REEP5: variants seen among roughly 807,000 people sequenced by gnomAD.
The protein encoded by REEP5 is receptor expression-enhancing protein 5.
In REEP5, 24 loss-of-function variants were observed where a neutral mutation model predicts 22.4. The ratio of observed to expected loss-of-function variants is 1.07; its 90% CI spans 0.78 to 1.51. The LOEUF (loss-of-function observed/expected upper bound fraction) is 1.51. REEP5 is among the 40% of genes most tolerant of loss of function. REEP5 has a pLI of 0.00. For missense variants in REEP5, 252 were observed against 233.0 expected, an observed-to-expected ratio of 1.08 and a Z score of -0.53; for synonymous variants, 103 against 88.6, an observed-to-expected ratio of 1.16 and a Z score of -0.92.
At chr5:112,919,939 C>A (rs1202474963) in intron 2 of REEP5, among the ~76,000 whole-genome samples, 1 of 152,202 alleles carries the variant, frequency 6.6e-6, no homozygotes, top group Non-Finnish European at 1.5e-5. Flanking sequence ...GACAATTATA[C>A]AATCATATTG....
chr5:112,908,267 G>A (rs1263957919), intron 2 of REEP5, among the ~76,000 whole-genome samples: 1 of 151,366 alleles, frequency 6.6e-6, no homozygotes. Context: ...CGCCCCGCTA[G>A]TTTTTTTGTA....
chr5:112,921,757 C>G, intron 1 of REEP5: 1 of 253,318 alleles, frequency 3.9e-6, no homozygotes. Flanking sequence ...CCCCGCCGTC[C>G]GCGCCCACCG....
chr5:112,904,843 T>A (rs1580748735), intron 2 of REEP5, among the ~76,000 whole-genome samples: 1 of 152,320 alleles, frequency 6.6e-6, no homozygotes, highest in East Asian at 1.9e-4. Context: ...AATTCTTTTT[T>A]AATTCATATC....
At chr5:112,879,535 G>A (rs1224106965) in intron 4 of REEP5, among the ~76,000 whole-genome samples, 3 of 152,078 alleles carry the variant, frequency 2.0e-5, no homozygotes, top group East Asian at 1.9e-4. Context: ...GTGCAGTGGC[G>A]CGATCTCGGC....
intron 2 of REEP5, among the ~76,000 whole-genome samples, chr5:112,908,135 T>G (rs1436214444): frequency 6.7e-6 from 1 of 149,194 alleles, no homozygotes; most frequent in Non-Finnish European, 1.5e-5. Context: ...AGTCTTGCTC[T>G]TGTGGCCCAG....
intron 3 of REEP5, chr5:112,891,920 A>C: frequency 1.5e-6 from 2 of 1,299,718 alleles, no homozygotes. Context: ...TTCAGAATAA[A>C]GAAGGAAAAG....
chr5:112,897,350 ATCACACACACACACAC>A (rs1486227786), intron 3 of REEP5: 108 of 129,556 alleles, frequency 8.3e-4, no homozygotes, highest in Admixed American at 2.4e-3. Flanking sequence ...AACACATCCC[ATCACACACACACACAC>A]ACACACACAC....
rs1769177794 is a variant in REEP5, at chr5:112,914,023, T to C, written c.212+7140A>G. Among the ~76,000 whole-genome samples the C allele has an allele frequency of 4.0e-5, 6 of 151,454 alleles. No individual in the cohort carries two copies. In the South Asian group the frequency reaches 1.3e-3, roughly 32 times the overall value. The stretch of plus-strand genomic sequence containing the variant: ...ACAAAAAATTAGTACACACCTGTAG[T>C]CCCAGCTACTCCAGAAGCTGAAGTG... On this transcript the variant is annotated intron_variant, in intron 2 of 4. Transcript: ENST00000379638.
Position 112,878,428 on chromosome 5 carries a change from G to T in REEP5, c.*358C>A. The T allele has an allele frequency of 4.5e-6, 1 of 220,028 alleles. No homozygotes were observed. The highest frequency in any genetic ancestry group is 9.0e-6 in the Non-Finnish European group (1 of 111,654). 13.6% of individuals were successfully genotyped at this position (220,028 alleles called of 1,614,324 possible). Reference sequence around the variant, plus strand: ...TAGAACCATAAAGATTATCCTAAATGTAACTACAGAGAAAATGCGTGCAGG... The same window carrying T: ...TAGAACCATAAAGATTATCCTAAATTTAACTACAGAGAAAATGCGTGCAGG... On this transcript the variant is annotated 3_prime_UTR_variant, in exon 5 of 5. Transcript: ENST00000379638.
intron 4 of REEP5, 119 bp from the exon 5 acceptor site, chr5:112,878,954 A>T: frequency 6.7e-7 from 1 of 1,486,000 alleles, no homozygotes; most frequent in Admixed American, 1.8e-5. Context: ...ACTCATGTTC[A>T]GGTGCGATCA....
intron 3 of REEP5, among the ~76,000 whole-genome samples, chr5:112,898,911 T>C (rs575884936): frequency 2.1e-4 from 32 of 152,334 alleles, no homozygotes; most frequent in African/African-American, 6.0e-4. Context: ...AAATTCTTAA[T>C]TGCCTTACAA....
At chr5:112,913,641 G>A (rs987191974) in intron 2 of REEP5, among the ~76,000 whole-genome samples, 4 of 151,208 alleles carry the variant, frequency 2.6e-5, no homozygotes, top group Non-Finnish European at 4.4e-5. Context: ...ATCTTTTGGT[G>A]TTTAATTACA....
intron 3 of REEP5, chr5:112,893,650 G>A (rs1187918245): frequency 1.3e-5 from 2 of 152,638 alleles, no homozygotes; most frequent in South Asian, 4.1e-4. Context: ...TAAAGACTCA[G>A]ACTAGCATCT....
chr5:112,883,494 T>A (rs1226202598), intron 4 of REEP5, among the ~76,000 whole-genome samples: 1 of 152,184 alleles, frequency 6.6e-6, no homozygotes, highest in Non-Finnish European at 1.5e-5. Context: ...CCACTCCTTA[T>A]CAGTCTGCTT....
chr5:112,902,791 A>G (rs1019976686), intron 2 of REEP5, among the ~76,000 whole-genome samples: 1 of 152,146 alleles, frequency 6.6e-6, no homozygotes, highest in African/African-American at 2.4e-5. Flanking sequence ...AAGCCTCCCC[A>G]CAAGTCCTAG....
intron 3 of REEP5, among the ~76,000 whole-genome samples, chr5:112,889,455 A>C (rs1264091899): frequency 6.6e-6 from 1 of 150,916 alleles, no homozygotes; most frequent in African/African-American, 2.5e-5. Context: ...AAATAGGATG[A>C]TAAAGAAGGA....
chr5:112,921,412 G>C (rs1769362633), intron 1 of REEP5, 156 bp from the exon 2 acceptor site: 1 of 709,228 alleles, frequency 1.4e-6, no homozygotes, highest in African/African-American at 1.8e-5. Context: ...AGCTGGGCCT[G>C]CGCGTCCGCT....
chr5:112,904,859 T>C (rs1170665330), intron 2 of REEP5, among the ~76,000 whole-genome samples: 1 of 152,138 alleles, frequency 6.6e-6, no homozygotes, highest in Non-Finnish European at 1.5e-5. Context: ...ATATCTACAA[T>C]ATGAATTCTA....
intron 4 of REEP5, among the ~76,000 whole-genome samples, chr5:112,879,828 C>T (rs1768015621): frequency 6.6e-6 from 1 of 151,994 alleles, no homozygotes; most frequent in Non-Finnish European, 1.5e-5. Flanking sequence ...CCTGTAATCG[C>T]AGCACTTTGG....
Sources: gnomAD v4.1 joint callset for allele counts (sites outside exome capture counted in the v4.1 genomes callset) on GRCh38, gnomAD v4.1.1 for gene constraint, MANE v1.5 for transcripts, NCBI Gene and HGNC (gene_info 2026-07-23, HGNC 2026-07-21) for gene names.